NID2: variants seen among roughly 807,000 people sequenced by gnomAD.
NID2 encodes nidogen 2, also known as nidogen-2.
In NID2, 83 loss-of-function variants were observed where a neutral mutation model predicts 145.4. That is an observed-to-expected ratio of 0.57 (90% CI 0.48 to 0.69). The LOEUF is 0.69. Ranked by LOEUF, NID2 falls within the 30% of genes least tolerant of loss-of-function variation. The pLI, the probability that NID2 is intolerant of heterozygous loss-of-function variation, is 0.00. For missense variants in NID2, 1,807 were observed against 1,765.7 expected (o/e 1.02, Z -0.42); for synonymous variants, 739 against 701.3 (o/e 1.05, Z -0.85).
chr14:52,020,106 CAGG>C lies in NID2; in HGVS notation c.2744_2746del (p.Ser915del), dbSNP rs2086725601. 2 of 1,614,124 alleles carry C rather than the reference CAGG, an allele frequency of 1.2e-6. No individual in the cohort carries two copies. Among genetic ancestry groups the C allele is most frequent in the Non-Finnish European group, 1.7e-6 (2 of 1,179,972 alleles). On this transcript the variant is annotated inframe_deletion, in exon 13 of 22. Coordinates refer to ENST00000216286, the MANE Select transcript of NID2 (RefSeq NM_007361.4). ...CCCATAATATCCGGGTTGACAACGG[CAGG>C]AGAAGGAACCAGGAGTATTGTAGCA...
intron 17 of NID2, among the ~76,000 whole-genome samples, chr14:52,011,318 A>T (rs1332292703): frequency 1.3e-5 from 2 of 152,194 alleles, no homozygotes; most frequent in Non-Finnish European, 2.9e-5. Flanking sequence ...CGTCACCCTG[A>T]ATTCTTACCA....
rs116143729 is a variant in NID2 at position 52,061,483 on chromosome 14, G to A, written c.535-1127C>T. On this transcript the variant is annotated intron_variant, in intron 2 of 21. Transcript: ENST00000216286. ...CAGGCTTTGCCCAGGAGAGTCTCAC[G>A]GTGTAGGACTGGGAAACAGCCATGG... Among the ~76,000 whole-genome samples, 1,416 of 152,284 alleles carry A rather than the reference G, an allele frequency of 9.3e-3. 23 individuals carry two copies. Among genetic ancestry groups the A allele is most frequent in the African/African-American group, 0.031 (1,291 of 41,558 alleles).
At chr14:52,042,698 C>A in intron 6 of NID2, 84 bp downstream of exon 6, 2 of 1,392,008 alleles carry the variant, frequency 1.4e-6, no homozygotes, top group Non-Finnish European at 2.0e-6. Context: ...ATGTTTGGTC[C>A]ATAAAGCAGA....
intron 9 of NID2, among the ~76,000 whole-genome samples, chr14:52,035,827 T>G (rs1335941657): frequency 6.7e-6 from 1 of 149,194 alleles, no homozygotes; most frequent in Non-Finnish European, 1.5e-5. Context: ...TACAGACACA[T>G]GCCACCACAC....
intron 19 of NID2, 41 bp downstream of exon 19, chr14:52,007,769 T>A (rs1198879323): frequency 8.4e-6 from 13 of 1,541,174 alleles, no homozygotes; most frequent in Middle Eastern, 3.4e-4. Flanking sequence ...ACATTCACTG[T>A]GATGAGAGGT....
In NID2 at chr14:52,005,218, T is replaced by G; in HGVS notation, c.*268A>C. 2 of 345,326 alleles carry G rather than the reference T, an allele frequency of 5.8e-6. No homozygotes were observed. Among genetic ancestry groups the G allele is most frequent in the Middle Eastern group, 7.8e-4 (1 of 1,274 alleles). 21.4% of individuals were successfully genotyped at this position (345,326 alleles called of 1,614,324 possible). A position where few individuals can be genotyped will look rare whatever the true frequency, so the allele number is the denominator to read the frequency against. On this transcript the variant is annotated 3_prime_UTR_variant, in exon 22 of 22. Coordinates refer to ENST00000216286, the MANE Select transcript of NID2 (RefSeq NM_007361.4). ...TCTTTTAAATATTAATGATAAATGTTTACAAGAAGTTGCTTTAATAAGCAA... is the reference window on the plus strand; with the variant it reads ...TCTTTTAAATATTAATGATAAATGTGTACAAGAAGTTGCTTTAATAAGCAA...
At chr14:52,027,111 C>A in intron 12 of NID2, 90 bp downstream of exon 12, 2 of 1,300,276 alleles carry the variant, frequency 1.5e-6, no homozygotes, top group East Asian at 2.9e-5. Context: ...CAAAGGAAGT[C>A]CTTTGTCTTT....
rs1416894580 is a variant in NID2 at position 52,010,914 on chromosome 14, C to T, written c.3684G>A (p.Leu1228=). The T allele has an allele frequency of 1.2e-6, 2 of 1,613,776 alleles. No homozygotes were observed. The highest frequency in any genetic ancestry group is 1.7e-5 in the Admixed American group (1 of 60,024). Residue 1228 remains leucine (L), a synonymous_variant, in exon 18 of 22, where the codon CTG becomes CTA. Transcript: ENST00000216286. The part of the protein sequence containing the change: ...SERKVLFYTD[L]VNPRAIAVDP... ...CCACAGCGATGGCACGGGGATTCAC[C>T]AGATCTGTGTAGAAGAGGACCTTGC...
rs1336472524 is a variant in NID2, at chr14:52,029,648, C to T, written c.2300G>A (p.Ser767Asn). 2 of 1,613,918 alleles carry T rather than the reference C, an allele frequency of 1.2e-6. No homozygotes were observed. Among genetic ancestry groups the T allele is most frequent in the Admixed American group, 1.7e-5 (1 of 60,012 alleles). ...PTPGNPCYDG[S>N]HMCDTTARCH... ...CCGTGCTGTTGTGTCACACATGTGG[C>T]TCCCATCATAGCAAGGATTCCCCGG... The change falls in exon 10 of 22, where the codon AGC becomes AAC. Residue 767 changes from serine (S) to asparagine (N), a missense_variant. Physicochemically the swap from Ser to Asn is conservative, Grantham distance 46. Transcript: ENST00000216286.
rs1012919431 is a variant in NID2 at position 52,046,939 on chromosome 14, C to T, written c.1430-4008G>A. Among the ~76,000 whole-genome samples the T allele has an allele frequency of 5.9e-5, 9 of 152,216 alleles. No individual in the cohort carries two copies. In the South Asian group the frequency reaches 6.2e-4, roughly 11 times the overall value. Reference sequence around the variant, plus strand: ...CAAGCCTCCATTTATAATCCCTCTTCCACGCCTGCCTTCATACCCAAGTGC... The same window carrying T: ...CAAGCCTCCATTTATAATCCCTCTTTCACGCCTGCCTTCATACCCAAGTGC... On this transcript the variant is annotated intron_variant, in intron 5 of 21. Transcript: ENST00000216286.
chr14:52,030,864 T>A (rs1317297651), intron 9 of NID2, among the ~76,000 whole-genome samples: 2 of 152,004 alleles, frequency 1.3e-5, no homozygotes, highest in African/African-American at 2.4e-5. Context: ...ATATATATAT[T>A]TATTTCTACA....
rs570283430 is a variant in NID2, at chr14:52,005,463, A to C, written c.*23T>G. On this transcript the variant is annotated 3_prime_UTR_variant, in exon 22 of 22. Coordinates refer to ENST00000216286, the MANE Select transcript of NID2 (RefSeq NM_007361.4). ...GTCCAGGTTCTGATTGTAAACTCCAAGTCTTCCTTTACATTACTGTACTTA... is the reference window on the plus strand; with the variant it reads ...GTCCAGGTTCTGATTGTAAACTCCACGTCTTCCTTTACATTACTGTACTTA... 18 of 1,579,518 alleles carry C rather than the reference A, an allele frequency of 1.1e-5. No homozygotes were observed. The South Asian group carries it at 1.6e-4, about 14-fold the overall frequency.
Position 52,015,033 on chromosome 14 carries a change from CG to C in NID2, c.3250+20del. 1 of 1,591,532 alleles carries C rather than the reference CG, an allele frequency of 6.3e-7. No individual in the cohort carries two copies. Among genetic ancestry groups the C allele is most frequent in the Non-Finnish European group, 8.6e-7 (1 of 1,165,894 alleles). On this transcript the variant is annotated intron_variant, in intron 15 of 21. Coordinates refer to ENST00000216286, the MANE Select transcript of NID2 (RefSeq NM_007361.4). ...AGGCCTTAGATACAGCTGAGGGGAGCGGGGGCGGCCAGGTGCTTACACGCAG... is the reference window on the plus strand; with the variant it reads ...AGGCCTTAGATACAGCTGAGGGGAGCGGGGCGGCCAGGTGCTTACACGCAG...
chr14:52,027,325 G>T lies in NID2; in HGVS notation c.2550C>A (p.Asn850Lys), dbSNP rs532998760. ...AGGTATGACTGCCATCCTCACAGGG[G>T]TTGGCAGGTGGGGTGATCACTGAAA... Reference protein sequence around the residue: ...HTCILITPPANPCEDGSHTCA... With the variant: ...HTCILITPPAKPCEDGSHTCA... Residue 850 changes from asparagine (N) to lysine (K), a missense_variant, in exon 12 of 22, where the codon AAC (asparagine) becomes AAA (lysine). Physicochemically the swap from Asn to Lys is moderately conservative, Grantham distance 94. Coordinates refer to ENST00000216286, the MANE Select transcript of NID2 (RefSeq NM_007361.4). 1.9e-6 allele frequency: 3 copies of T among 1,578,854 alleles called. No individual in the cohort carries two copies. The highest frequency in any genetic ancestry group is 1.8e-5 in the Admixed American group (1 of 54,136).
In NID2 at chr14:52,041,991, G is replaced by A. The variant is rs996661990; in HGVS notation, c.1825+114C>T. 1.4e-5 allele frequency: 18 copies of A among 1,321,096 alleles called. No individual in the cohort carries two copies. The South Asian group carries it at 2.4e-4, about 17-fold the overall frequency. 81.8% of individuals were successfully genotyped at this position (1,321,096 alleles called of 1,614,324 possible). On this transcript the variant is annotated intron_variant, in intron 7 of 21. Transcript: ENST00000216286. Reference sequence around the variant, plus strand: ...AGAAAACTACACACATGTGGCTCTAGTACATTAAACAAGTGATTCCTCTGT... The same window carrying A: ...AGAAAACTACACACATGTGGCTCTAATACATTAAACAAGTGATTCCTCTGT...
chr14:52,011,703 G>T lies in NID2; in HGVS notation c.3421-20C>A. On this transcript the variant is annotated intron_variant, in intron 16 of 21. Transcript: ENST00000216286. ...GGAGCCCTTTGTGCATCAAATCATA[G>T]AATTAGAAGAATTAGGTTACATTTC... 1 of 1,613,526 alleles carries T rather than the reference G, an allele frequency of 6.2e-7. No individual in the cohort carries two copies. Among genetic ancestry groups the T allele is most frequent in the Non-Finnish European group, 8.5e-7 (1 of 1,179,814 alleles).
rs1335170246 is a variant in NID2, at chr14:52,006,621, C to A, written c.3920G>T (p.Gly1307Val). 8.7e-6 allele frequency: 14 copies of A among 1,613,738 alleles called. No individual in the cohort carries two copies. The highest frequency in any genetic ancestry group is 1.2e-5 in the Non-Finnish European group (14 of 1,179,798). The stretch of plus-strand genomic sequence containing the variant: ...GAGGTTGTTTTGAATGACACGCCGT[C>A]CAGTTCCATCAGGTAGTGTACACTC... The part of the protein sequence containing the change: ...KLECTLPDGT[G>V]RRVIQNNLKY... The change falls in exon 20 of 22, where the codon GGA becomes GTA. Residue 1307 changes from glycine to valine, a missense_variant. Transcript: ENST00000216286.
intron 9 of NID2, among the ~76,000 whole-genome samples, chr14:52,033,866 C>T (rs1044475421): frequency 6.6e-6 from 1 of 152,162 alleles, no homozygotes; most frequent in Non-Finnish European, 1.5e-5. Flanking sequence ...TGTGGAACAG[C>T]AGAGCCATGA....
chr14:52,012,341 C>T (rs578075142), intron 16 of NID2, among the ~76,000 whole-genome samples: 1 of 152,192 alleles, frequency 6.6e-6, no homozygotes, highest in Non-Finnish European at 1.5e-5. Flanking sequence ...CAGTGACTCA[C>T]GCCTGTAATC....
Sources: allele counts gnomAD v4.1 joint callset (sites outside exome capture counted in the v4.1 genomes callset), GRCh38; gene constraint gnomAD v4.1.1; transcripts MANE v1.5; gene names NCBI Gene and HGNC (gene_info 2026-07-23, HGNC 2026-07-21).